KLF15: variants seen among roughly 807,000 people sequenced by gnomAD.
The protein encoded by KLF15 is KLF transcription factor 15, also known as Krueppel-like factor 15.
A neutral mutation model predicts 24.6 loss-of-function variants in KLF15; 4 were observed. The ratio of observed to expected loss-of-function variants is 0.16; its 90% CI spans 0.08 to 0.37. The LOEUF is 0.37. KLF15 is among the 10% of genes least tolerant of loss of function. The pLI is 1.00. For synonymous variants in KLF15, 246 were observed against 236.3 expected, an observed-to-expected ratio of 1.04 and a Z score of -0.37; for missense variants, 496 against 560.6, an observed-to-expected ratio of 0.88 and a Z score of 1.16.
the KLF15 span, among the ~76,000 whole-genome samples, chr3:126,329,842 T>A: frequency 6.7e-6 from 1 of 149,356 alleles, no homozygotes; most frequent in Non-Finnish European, 1.5e-5. Context: ...ATTACACTTT[T>A]TTTTTTTTTT....
At chr3:126,313,287 C>T in the KLF15 span, among the ~76,000 whole-genome samples, 2 of 152,166 alleles carry the variant, frequency 1.3e-5, no homozygotes, top group African/African-American at 4.8e-5. Flanking sequence ...GACGCATTGA[C>T]CTCCAACTTC....
the KLF15 span, chr3:126,294,086 G>A: frequency 6.6e-6 from 1 of 152,234 alleles, no homozygotes; most frequent in African/African-American, 2.4e-5. Flanking sequence ...TCTCCGCCTA[G>A]GTCTGCCTGA....
In KLF15 at chr3:126,343,699, G is replaced by A; in HGVS notation, c.*28C>T. The A allele has an allele frequency of 6.3e-7, 1 of 1,597,300 alleles. No homozygotes were observed. Among genetic ancestry groups the A allele is most frequent in the Non-Finnish European group, 8.5e-7 (1 of 1,174,324 alleles). ...TGGGGATGGGGTGGGGATCCGGGGT[G>A]ACGGACAGGCTGGGGTTCAGGGCGC... On this transcript the variant is annotated 3_prime_UTR_variant, in exon 3 of 3. Coordinates refer to ENST00000296233, the MANE Select transcript of KLF15 (RefSeq NM_014079.4).
At chr3:126,301,622 T>C in the KLF15 span, among the ~76,000 whole-genome samples, 7 of 149,742 alleles carry the variant, frequency 4.7e-5, 1 homozygote, top group South Asian at 1.5e-3. Context: ...TTTTTTTTTT[T>C]TTTTTTTCTG....
At chr3:126,301,466 G>C in the KLF15 span, among the ~76,000 whole-genome samples, 1 of 152,082 alleles carries the variant, frequency 6.6e-6, no homozygotes, top group African/African-American at 2.4e-5. Context: ...AAGAGCTGCA[G>C]AAAAATGAGC....
the KLF15 span, among the ~76,000 whole-genome samples, chr3:126,334,944 CAA>C: frequency 4.5e-5 from 5 of 110,122 alleles, no homozygotes; most frequent in Admixed American, 4.0e-4. Flanking sequence ...GTTTACCAAC[CAA>C]AAAGAGTCCA....
the KLF15 span, among the ~76,000 whole-genome samples, chr3:126,312,442 T>C: frequency 1.3e-5 from 2 of 152,304 alleles, no homozygotes; most frequent in Middle Eastern, 6.8e-3. Flanking sequence ...TCCAAAGCGC[T>C]GGGACTACAA....
At position 126,357,263 on chromosome 3, in the gene KLF15, G is replaced by T. The variant is rs1282307251; in HGVS notation, c.-52C>A. 6.7e-6 allele frequency: 1 copy of T among 148,738 alleles called. No individual in the cohort carries two copies. Among genetic ancestry groups the T allele is most frequent in the East Asian group, 2.0e-4 (1 of 5,056 alleles). 9.2% of individuals were successfully genotyped at this position (148,738 alleles called of 1,614,324 possible). Reference sequence around the variant, plus strand: ...TGAACTTGGCGCACGCCGGACCGGCGGCCAGGCCCCGGCGGTCCTGCGGCC... The same window carrying T: ...TGAACTTGGCGCACGCCGGACCGGCTGCCAGGCCCCGGCGGTCCTGCGGCC... On this transcript the variant is annotated 5_prime_UTR_variant, in exon 1 of 3. Coordinates refer to ENST00000296233, the MANE Select transcript of KLF15 (RefSeq NM_014079.4).
the KLF15 span, among the ~76,000 whole-genome samples, chr3:126,310,467 C>T: frequency 6.6e-6 from 1 of 152,164 alleles, no homozygotes; most frequent in African/African-American, 2.4e-5. Context: ...AGAGCCCCTA[C>T]TAAGTTCACA....
the KLF15 span, among the ~76,000 whole-genome samples, chr3:126,295,862 ACT>A: frequency 6.6e-6 from 1 of 152,158 alleles, no homozygotes; most frequent in Non-Finnish European, 1.5e-5. Flanking sequence ...CAGCAAGAAC[ACT>A]GTTAGGTTGG....
At chr3:126,294,687 C>T in the KLF15 span, among the ~76,000 whole-genome samples, 3 of 152,092 alleles carry the variant, frequency 2.0e-5, no homozygotes, top group East Asian at 5.8e-4. Flanking sequence ...CTGCTGAGGT[C>T]AGCAGCTCAA....
At chr3:126,322,767 A>G in the KLF15 span, among the ~76,000 whole-genome samples, 1 of 152,172 alleles carries the variant, frequency 6.6e-6, no homozygotes, top group African/African-American at 2.4e-5. Flanking sequence ...CATTTGCTTG[A>G]TAAATATTTG....
chr3:126,321,494 G>T, the KLF15 span, among the ~76,000 whole-genome samples: 1 of 152,240 alleles, frequency 6.6e-6, no homozygotes, highest in African/African-American at 2.4e-5. Context: ...GCTACAGGAG[G>T]TATAGGGACC....
At chr3:126,324,806 C>CTTTTTTTTTTTTTTTTT in the KLF15 span, among the ~76,000 whole-genome samples, 7 of 59,580 alleles carry the variant, frequency 1.2e-4, no homozygotes, top group South Asian at 7.9e-4. Context: ...TTTTTTCGCT[C>CTTTTTTTTTTTTTTTTT]TTTTTTTTTT....
At chr3:126,313,191 A>G in the KLF15 span, among the ~76,000 whole-genome samples, 2 of 152,240 alleles carry the variant, frequency 1.3e-5, no homozygotes, top group Non-Finnish European at 2.9e-5. Flanking sequence ...GCAAGTGCAC[A>G]GAGGAATGAC....
chr3:126,296,454 G>A, the KLF15 span, among the ~76,000 whole-genome samples: 27 of 152,288 alleles, frequency 1.8e-4, no homozygotes, highest in Middle Eastern at 0.01. Context: ...TGATCCACCC[G>A]CCTTGGCCTC....
At chr3:126,317,956 A>G in the KLF15 span, among the ~76,000 whole-genome samples, 1 of 152,162 alleles carries the variant, frequency 6.6e-6, no homozygotes, top group African/African-American at 2.4e-5. Context: ...TGACTCACAT[A>G]CATTCTGCTG....
the KLF15 span, among the ~76,000 whole-genome samples, chr3:126,315,890 T>G: frequency 6.6e-6 from 1 of 152,148 alleles, no homozygotes; most frequent in Non-Finnish European, 1.5e-5. Context: ...AATATTCTTA[T>G]GTGGAAAAGA....
chr3:126,331,516 A>G, the KLF15 span, among the ~76,000 whole-genome samples: 1 of 152,178 alleles, frequency 6.6e-6, no homozygotes, highest in Non-Finnish European at 1.5e-5. Flanking sequence ...TTTGTAAGGG[A>G]ATGTGTTCAC....
Sources: allele counts gnomAD v4.1 joint callset (sites outside exome capture counted in the v4.1 genomes callset), GRCh38; gene constraint gnomAD v4.1.1; transcripts MANE v1.5; gene names NCBI Gene and HGNC (gene_info 2026-07-23, HGNC 2026-07-21).